EGF: variants seen among roughly 807,000 people sequenced by gnomAD.
The protein encoded by EGF is epidermal growth factor, also known as pro-epidermal growth factor.
EGF carries 95 observed loss-of-function variants against 143.8 expected under a neutral mutation model. The ratio of observed to expected loss-of-function variants is 0.66; its 90% CI spans 0.56 to 0.78. The LOEUF (loss-of-function observed/expected upper bound fraction) is 0.78. EGF is among the 30% of genes least tolerant of loss of function. The pLI, the probability that EGF is intolerant of heterozygous loss-of-function variation, is 0.00. For synonymous variants in EGF, 510 were observed against 510.5 expected, an observed-to-expected ratio of 1.00 and a Z score of 0.01; for missense variants, 1,320 against 1,470.9, an observed-to-expected ratio of 0.90 and a Z score of 1.68.
chr4:110,005,784 G>A (rs982388085), intron 22 of EGF, among the ~76,000 whole-genome samples: 2 of 152,188 alleles, frequency 1.3e-5, no homozygotes, highest in Non-Finnish European at 2.9e-5. Flanking sequence ...GAAGAGACTG[G>A]AATACATGGC....
intron 18 of EGF, among the ~76,000 whole-genome samples, chr4:109,990,608 A>T (rs1202496790): frequency 6.6e-6 from 1 of 152,194 alleles, no homozygotes; most frequent in Non-Finnish European, 1.5e-5. Flanking sequence ...AAAATATCCT[A>T]GACTGGATGG....
chr4:109,988,154 T>G (rs1400506083), intron 17 of EGF, among the ~76,000 whole-genome samples: 1 of 151,906 alleles, frequency 6.6e-6, no homozygotes, highest in Non-Finnish European at 1.5e-5. Context: ...TGAGTTCAAG[T>G]CAAGTTTATG....
In EGF at chr4:109,959,046, A is replaced by C; in HGVS notation, c.941-266A>C. The C allele has an allele frequency of 6.5e-6, 3 of 463,466 alleles. No homozygotes were observed. The South Asian group carries it at 6.5e-5, about 10-fold the overall frequency. The allele number at this position is 463,466 out of a possible 1,614,324, so 28.7% of individuals were successfully genotyped here. ...CATTAGAATGAAAAAGCTAATAAGT[A>C]GTGTTTAGTATTCGCAACCTAAGAA... On this transcript the variant is annotated intron_variant, in intron 5 of 23. Coordinates refer to ENST00000265171, the MANE Select transcript of EGF (RefSeq NM_001963.6).
chr4:109,961,042 G>C, intron 7 of EGF, 53 bp downstream of exon 7: 1 of 1,600,500 alleles, frequency 6.2e-7, no homozygotes, highest in Non-Finnish European at 8.6e-7. Context: ...TTTTCAATAT[G>C]TTTCTAAGGT....
chr4:109,944,945 C>CAT, intron 4 of EGF, 128 bp from the exon 5 acceptor site: 1 of 982,214 alleles, frequency 1.0e-6, no homozygotes, highest in East Asian at 2.6e-5. Context: ...CTTTTCTAAA[C>CAT]ATAAATGAGA....
intron 21 of EGF, among the ~76,000 whole-genome samples, chr4:110,002,949 A>T (rs1752766296): frequency 6.6e-6 from 1 of 152,216 alleles, no homozygotes; most frequent in Non-Finnish European, 1.5e-5. Context: ...TTTGCTAAGA[A>T]TAATAGCCTC....
At chr4:109,914,260 C>T (rs937307413) in intron 1 of EGF, among the ~76,000 whole-genome samples, 1 of 151,976 alleles carries the variant, frequency 6.6e-6, no homozygotes, top group Admixed American at 6.5e-5. Context: ...ACACGGCAGC[C>T]GCCTTTGTTG....
chr4:109,938,292 C>T (rs1184172676), intron 1 of EGF, among the ~76,000 whole-genome samples: 3 of 152,048 alleles, frequency 2.0e-5, no homozygotes, highest in African/African-American at 7.2e-5. Context: ...TCCTTTCTTC[C>T]GCTCGATTGA....
rs1400461419 is a variant in EGF at position 109,961,991 on chromosome 4, T to C, written c.1312+6T>C. On this transcript the variant is annotated splice_donor_region_variant and intron_variant, in intron 8 of 23. Coordinates refer to ENST00000265171, the MANE Select transcript of EGF (RefSeq NM_001963.6). Reference sequence around the variant, plus strand: ...AGATGGGAAAACATGTAGCGGTGAGTTTATTTGCTTTATTTACCTTTTGTT... The same window carrying C: ...AGATGGGAAAACATGTAGCGGTGAGCTTATTTGCTTTATTTACCTTTTGTT... 1 of 1,613,294 alleles carries C rather than the reference T, an allele frequency of 6.2e-7. No individual in the cohort carries two copies. The highest frequency in any genetic ancestry group is 8.5e-7 in the Non-Finnish European group (1 of 1,179,536).
chr4:109,962,416 C>G (rs1406012382), intron 8 of EGF, among the ~76,000 whole-genome samples: 1 of 152,170 alleles, frequency 6.6e-6, no homozygotes, highest in East Asian at 1.9e-4. Context: ...TTCATAGAGA[C>G]TTAAGTATAT....
At chr4:109,956,858 AAC>A (rs1744872630) in intron 5 of EGF, among the ~76,000 whole-genome samples, 1 of 152,236 alleles carries the variant, frequency 6.6e-6, no homozygotes, top group Admixed American at 6.5e-5. Context: ...CTAAGGAAAT[AAC>A]ACAGACTAGC....
At chr4:109,957,426 T>C (rs1289330358) in intron 5 of EGF, among the ~76,000 whole-genome samples, 1 of 152,244 alleles carries the variant, frequency 6.6e-6, no homozygotes, top group Non-Finnish European at 1.5e-5. Flanking sequence ...TATATCATGC[T>C]CAAGCAATAT....
At chr4:109,944,680 T>G (rs188359510) in intron 4 of EGF, among the ~76,000 whole-genome samples, 5 of 152,378 alleles carry the variant, frequency 3.3e-5, no homozygotes, top group Non-Finnish European at 7.3e-5. Context: ...ATTATGATGT[T>G]ACATATTTTT....
chr4:109,955,795 C>T (rs934115535), intron 5 of EGF, among the ~76,000 whole-genome samples: 4 of 152,054 alleles, frequency 2.6e-5, no homozygotes, highest in Admixed American at 6.6e-5. Context: ...TAAAAGGCAC[C>T]GTGCTAGGTG....
intron 1 of EGF, among the ~76,000 whole-genome samples, chr4:109,926,479 C>G (rs980713866): frequency 1.3e-5 from 2 of 152,048 alleles, no homozygotes; most frequent in Admixed American, 6.5e-5. Context: ...CTCAGCCTCC[C>G]GAGTAGCTGG....
intron 22 of EGF, among the ~76,000 whole-genome samples, chr4:110,005,544 T>C (rs943125265): frequency 2.0e-5 from 3 of 152,214 alleles, no homozygotes; most frequent in Non-Finnish European, 4.4e-5. Flanking sequence ...CTGGGTTCTT[T>C]ATTTTATCTG....
At chr4:109,931,931 C>T (rs1739773573) in intron 1 of EGF, among the ~76,000 whole-genome samples, 1 of 152,136 alleles carries the variant, frequency 6.6e-6, no homozygotes, top group Admixed American at 6.5e-5. Context: ...AGTTTTATAA[C>T]TACTCTATTT....
At chr4:109,961,107 T>G (rs2126058461) in intron 7 of EGF, 118 bp downstream of exon 7, 2 of 1,202,584 alleles carry the variant, frequency 1.7e-6, no homozygotes, top group Non-Finnish European at 2.4e-6. Context: ...TAATTACCTT[T>G]GAGTTTTATT....
intron 10 of EGF, among the ~76,000 whole-genome samples, chr4:109,965,947 A>T (rs1259052301): frequency 6.6e-6 from 1 of 152,040 alleles, no homozygotes; most frequent in Admixed American, 6.6e-5. Flanking sequence ...TAGTCTCATT[A>T]TTGATTGTAA....
Sources: gnomAD v4.1 joint callset for allele counts (sites outside exome capture counted in the v4.1 genomes callset) on GRCh38, gnomAD v4.1.1 for gene constraint, MANE v1.5 for transcripts, NCBI Gene and HGNC (gene_info 2026-07-23, HGNC 2026-07-21) for gene names.